IFNAR1: variants seen among roughly 807,000 people sequenced by gnomAD.
IFNAR1 encodes interferon alpha and beta receptor subunit 1, also known as interferon alpha/beta receptor 1.
A neutral mutation model predicts 62.1 loss-of-function variants in IFNAR1; 47 were observed. The observed-to-expected ratio is 0.76, with a 90% CI of 0.60 to 0.97. The LOEUF is 0.97. Among genes scored for constraint, IFNAR1 ranks in the 50% least tolerant of loss-of-function variants. The pLI, the probability that IFNAR1 is intolerant of heterozygous loss-of-function variation, is 0.00. For synonymous variants in IFNAR1, 219 were observed against 226.9 expected, an observed-to-expected ratio of 0.97 and a Z score of 0.31; for missense variants, 638 against 654.5, an observed-to-expected ratio of 0.97 and a Z score of 0.27.
intron 1 of IFNAR1, among the ~76,000 whole-genome samples, chr21:33,331,567 A>T (rs1363307038): frequency 6.6e-6 from 1 of 152,108 alleles, no homozygotes; most frequent in Non-Finnish European, 1.5e-5. Flanking sequence ...CACTCTGAGG[A>T]GTGGAGTCAT....
chr21:33,333,753 A>G (rs551815826), intron 1 of IFNAR1, among the ~76,000 whole-genome samples: 6 of 151,394 alleles, frequency 4.0e-5, no homozygotes, highest in Admixed American at 6.6e-5. Context: ...CCTCCTGAGT[A>G]GCTGGGACTA....
intron 8 of IFNAR1, among the ~76,000 whole-genome samples, chr21:33,350,214 T>C (rs1347683389): frequency 6.7e-6 from 1 of 150,154 alleles, no homozygotes; most frequent in Non-Finnish European, 1.5e-5. Context: ...TGCAGGATGC[T>C]TGGCAACATT....
At chr21:33,336,489 G>A (rs2083236733) in intron 2 of IFNAR1, among the ~76,000 whole-genome samples, 1 of 149,732 alleles carries the variant, frequency 6.7e-6, no homozygotes, top group Non-Finnish European at 1.5e-5. Context: ...GATCCCTGAG[G>A]AATCGCCACA....
intron 2 of IFNAR1, among the ~76,000 whole-genome samples, chr21:33,339,610 A>T (rs1229443362): frequency 6.6e-6 from 1 of 152,156 alleles, no homozygotes; most frequent in East Asian, 1.9e-4. Flanking sequence ...TGGGCTTAAC[A>T]TAGGTAAAAG....
rs549470782 is a variant in IFNAR1 at position 33,334,515 on chromosome 21, TTAGA to T, written c.77-1004_77-1001del. On this transcript the variant is annotated intron_variant, in intron 1 of 10. Transcript: ENST00000270139. ...AAAGCATAAGGAAATTAAGATGTTC[TTAGA>T]TAGACAAAAGCTAAGGGAGTTCATT... is the stretch of plus-strand genomic sequence containing the variant. 8.7e-4 allele frequency: 352 copies of T among 402,634 alleles called. 1 individual carries two copies. Among genetic ancestry groups the T allele is most frequent in the Non-Finnish European group, 1.3e-3 (271 of 206,306 alleles). 24.9% of individuals were successfully genotyped at this position (402,634 alleles called of 1,614,324 possible).
At chr21:33,342,708 C>T (rs897197728) in intron 3 of IFNAR1, among the ~76,000 whole-genome samples, 29 of 104,464 alleles carry the variant, frequency 2.8e-4, no homozygotes, top group Non-Finnish European at 5.4e-4. Flanking sequence ...AAAAAAAAAA[C>T]TAGCCGGGCA....
In IFNAR1 at chr21:33,357,012, A is replaced by C. The variant is rs1314555874; in HGVS notation, c.*1463A>C. 1.3e-5 allele frequency: 2 copies of C among 152,230 alleles called. No homozygotes were observed. The highest frequency in any genetic ancestry group is 4.8e-5 in the African/African-American group (2 of 41,446). The allele number at this position is 152,230 out of a possible 1,614,324, so 9.4% of individuals were successfully genotyped here. A position where few individuals can be genotyped will look rare whatever the true frequency, so the allele number is the denominator to read the frequency against. ...TGAACTGAGGGGGAAAAATGTAACT[A>C]GGAAGAAAAACCCAATTTAAGAAAT... On this transcript the variant is annotated 3_prime_UTR_variant, in exon 11 of 11. Coordinates refer to ENST00000270139, the MANE Select transcript of IFNAR1 (RefSeq NM_000629.3).
intron 8 of IFNAR1, among the ~76,000 whole-genome samples, chr21:33,351,638 TC>T (rs1216612240): frequency 2.6e-5 from 4 of 151,850 alleles, no homozygotes; most frequent in Non-Finnish European, 5.9e-5. Context: ...AGCCTCGACT[TC>T]CTGGGCTTAA....
In IFNAR1 at chr21:33,353,652, A is replaced by C; in HGVS notation, c.1309A>C (p.Ile437Leu). 1 of 1,552,258 alleles carries C rather than the reference A, an allele frequency of 6.4e-7. No homozygotes were observed. Among genetic ancestry groups the C allele is most frequent in the Non-Finnish European group, 8.7e-7 (1 of 1,147,836 alleles). ...EKTKPGNTSK[I>L]WLIVGICIAL... ...TATCTTTTTAGGAAATACCTCTAAA[A>C]TTTGGCTTATAGTTGGAATTTGTAT... The change falls in exon 10 of 11, where the codon ATT becomes CTT. Residue 437 changes from isoleucine (I) to leucine (L), a missense_variant. Coordinates refer to ENST00000270139, the MANE Select transcript of IFNAR1 (RefSeq NM_000629.3).
rs529818167 is a variant in IFNAR1 at position 33,352,791 on chromosome 21, G to A, written c.1177G>A (p.Val393Ile). The A allele has an allele frequency of 1.7e-5, 26 of 1,549,846 alleles. No homozygotes were observed. The highest frequency in any genetic ancestry group is 2.1e-5 in the Non-Finnish European group (24 of 1,136,220). ...TATCGAGAAAAAAACTGATGTTACA[G>A]TTCCTAATTTGAAACCACTGACTGT... is the stretch of plus-strand genomic sequence containing the variant. ...KIIEKKTDVT[V>I]PNLKPLTVYC... The change falls in exon 9 of 11, where the codon GTT becomes ATT. Residue 393 changes from valine to isoleucine, a missense_variant. By Grantham distance (29) the Val-to-Ile change is conservative. Coordinates refer to ENST00000270139, the MANE Select transcript of IFNAR1 (RefSeq NM_000629.3).
At position 33,343,643 on chromosome 21, in the gene IFNAR1, G is replaced by A; in HGVS notation, c.640G>A (p.Val214Ile). Residue 214 changes from valine to isoleucine, a missense_variant, in exon 5 of 11, where the codon GTC becomes ATC. Transcript: ENST00000270139. ...AALLTSWKIG[V>I]YSPVHCIKTT... ...ACTACTTACGTCATGGAAAATTGGT[G>A]TCTATAGTCCAGTACATTGTATAAA... The A allele has an allele frequency of 2.5e-6, 4 of 1,609,336 alleles. No homozygotes were observed. Among genetic ancestry groups the A allele is most frequent in the Non-Finnish European group, 3.4e-6 (4 of 1,176,036 alleles).
chr21:33,351,012 A>G (rs1375435921), intron 8 of IFNAR1, among the ~76,000 whole-genome samples: 2 of 152,246 alleles, frequency 1.3e-5, no homozygotes, highest in Non-Finnish European at 2.9e-5. Context: ...TACCTAGCAC[A>G]TTGCTGGACA....
rs1182975150 is a variant in IFNAR1, at chr21:33,349,205, A to G, written c.903A>G (p.Gly301=). ...CVFPQNVFQK[G]IYLLRVQASD... ...TTCCTCAAAACGTTTTCCAAAAAGG[A>G]ATTTACCTTCTCCGCGTACAAGCAT... Residue 301 remains glycine (G), a synonymous_variant, in exon 7 of 11, where the codon GGA becomes GGG. Transcript: ENST00000270139. 1 of 1,613,682 alleles carries G rather than the reference A, an allele frequency of 6.2e-7. No homozygotes were observed. The highest frequency in any genetic ancestry group is 8.5e-7 in the Non-Finnish European group (1 of 1,179,700).
In IFNAR1 at chr21:33,356,523, G is replaced by A. The variant is rs745695126; in HGVS notation, c.*974G>A. 1 of 152,086 alleles carries A rather than the reference G, an allele frequency of 6.6e-6. No individual in the cohort carries two copies. Among genetic ancestry groups the A allele is most frequent in the Non-Finnish European group, 1.5e-5 (1 of 68,016 alleles). 9.4% of individuals were successfully genotyped at this position (152,086 alleles called of 1,614,324 possible). A position where few individuals can be genotyped will look rare whatever the true frequency, so the allele number is the denominator to read the frequency against. ...CAGTATCTACCCTTACATGGTTTAG[G>A]ATTAAAGCCAGGCAATCTTTTACTA... On this transcript the variant is annotated 3_prime_UTR_variant, in exon 11 of 11. Coordinates refer to ENST00000270139, the MANE Select transcript of IFNAR1 (RefSeq NM_000629.3).
rs965537027 is a variant in IFNAR1 at position 33,356,482 on chromosome 21, A to G, written c.*933A>G. On this transcript the variant is annotated 3_prime_UTR_variant, in exon 11 of 11. Coordinates refer to ENST00000270139, the MANE Select transcript of IFNAR1 (RefSeq NM_000629.3). Reference sequence around the variant, plus strand: ...ACTTCTGTTCATTCATCCCGAGAACATTGGCTTCCACATCACAGTATCTAC... The same window carrying G: ...ACTTCTGTTCATTCATCCCGAGAACGTTGGCTTCCACATCACAGTATCTAC... 1 of 152,252 alleles carries G rather than the reference A, an allele frequency of 6.6e-6. No individual in the cohort carries two copies. The highest frequency in any genetic ancestry group is 1.5e-5 in the Non-Finnish European group (1 of 68,038). 9.4% of individuals were successfully genotyped at this position (152,252 alleles called of 1,614,324 possible). A position where few individuals can be genotyped will look rare whatever the true frequency, so the allele number is the denominator to read the frequency against.
rs190977407 is a variant in IFNAR1, at chr21:33,356,710, G to A, written c.*1161G>A. ...AAGTTTTAGTATACATGCCATGCCAGAAGATAGTGTATGCAAGAAGTCTTG... is the reference window on the plus strand; with the variant it reads ...AAGTTTTAGTATACATGCCATGCCAAAAGATAGTGTATGCAAGAAGTCTTG... On this transcript the variant is annotated 3_prime_UTR_variant, in exon 11 of 11. Transcript: ENST00000270139. 1 of 152,346 alleles carries A rather than the reference G, an allele frequency of 6.6e-6. No homozygotes were observed. Among genetic ancestry groups the A allele is most frequent in the East Asian group, 1.9e-4 (1 of 5,192 alleles). 9.4% of individuals were successfully genotyped at this position (152,346 alleles called of 1,614,324 possible).
intron 2 of IFNAR1, among the ~76,000 whole-genome samples, chr21:33,338,681 A>T (rs949937933): frequency 2.0e-5 from 3 of 152,114 alleles, no homozygotes; most frequent in African/African-American, 2.4e-5. Flanking sequence ...TACATTAGTT[A>T]CATATTCATA....
chr21:33,356,080 A>T lies in IFNAR1; in HGVS notation c.*531A>T, dbSNP rs2083445307. On this transcript the variant is annotated 3_prime_UTR_variant, in exon 11 of 11. Coordinates refer to ENST00000270139, the MANE Select transcript of IFNAR1 (RefSeq NM_000629.3). ...CTTTTCCATGTGTAAAATCATGAAA[A>T]AGCCTGTCACCGGACTTGCATTGGA... is the stretch of plus-strand genomic sequence containing the variant. 1 of 152,248 alleles carries T rather than the reference A, an allele frequency of 6.6e-6. No homozygotes were observed. The highest frequency in any genetic ancestry group is 2.4e-5 in the African/African-American group (1 of 41,456). 9.4% of individuals were successfully genotyped at this position (152,248 alleles called of 1,614,324 possible). A position where few individuals can be genotyped will look rare whatever the true frequency, so the allele number is the denominator to read the frequency against.
chr21:33,344,882 G>A (rs2083330851), intron 5 of IFNAR1, among the ~76,000 whole-genome samples: 1 of 151,990 alleles, frequency 6.6e-6, no homozygotes, highest in Non-Finnish European at 1.5e-5. Context: ...CTGCCTCCCA[G>A]CTTCAAGCGA....
Sources: gnomAD v4.1 joint callset for allele counts (sites outside exome capture counted in the v4.1 genomes callset) on GRCh38, gnomAD v4.1.1 for gene constraint, MANE v1.5 for transcripts, NCBI Gene and HGNC (gene_info 2026-07-23, HGNC 2026-07-21) for gene names.